MAPK8IP3: variants seen among roughly 807,000 people sequenced by gnomAD.
The protein encoded by MAPK8IP3 is mitogen-activated protein kinase 8 interacting protein 3.
MAPK8IP3 carries 49 observed loss-of-function variants against 157.8 expected under a neutral mutation model. That is an observed-to-expected ratio of 0.31 (90% CI 0.25 to 0.39). The LOEUF is 0.39. Among genes scored for constraint, MAPK8IP3 ranks in the 10% least tolerant of loss-of-function variants. MAPK8IP3 has a pLI of 1.00. For missense variants in MAPK8IP3, 1,478 were observed against 1,889.4 expected, an observed-to-expected ratio of 0.78 and a Z score of 4.04; for synonymous variants, 897 against 777.7, an observed-to-expected ratio of 1.15 and a Z score of -2.55.
chr16:1,725,322 C>T (rs184340935), intron 2 of MAPK8IP3, among the ~76,000 whole-genome samples: 1 of 150,536 alleles, frequency 6.6e-6, no homozygotes. Flanking sequence ...ACACAGAGAC[C>T]TCATCTCTTA....
In MAPK8IP3 at chr16:1,760,484, A is replaced by G. The variant is rs2041870474; in HGVS notation, c.1409A>G (p.Lys470Arg). The change falls in exon 12 of 32, where the codon AAA becomes AGA. Residue 470 changes from lysine (K) to arginine (R), a missense_variant. This residue lies in a region of MAPK8IP3 where 96 missense variants were observed against 106.3 expected (regional missense o/e 0.90). Transcript: ENST00000610761. ...RGELEAAKQA[K>R]VKLENRIKEL... ...GAGTTGGAGGCTGCTAAGCAGGCCA[A>G]AGTCAAGCTGGAAAACCGTATCAAG... 1.2e-5 allele frequency: 20 copies of G among 1,613,836 alleles called. No homozygotes were observed. The highest frequency in any genetic ancestry group is 1.7e-5 in the Non-Finnish European group (20 of 1,179,898).
intron 20 of MAPK8IP3, among the ~76,000 whole-genome samples, chr16:1,765,637 C>T (rs776824067): frequency 6.6e-6 from 1 of 152,336 alleles, no homozygotes; most frequent in African/African-American, 2.4e-5. Context: ...AGGGCTCTGC[C>T]AGGTCTCTGG....
In MAPK8IP3 at chr16:1,742,931, G is replaced by A. The variant is rs2040764216; in HGVS notation, c.603-401G>A. Among the ~76,000 whole-genome samples the A allele has an allele frequency of 6.6e-6, 1 of 152,004 alleles. No individual in the cohort carries two copies. The highest frequency in any genetic ancestry group is 1.9e-4 in the East Asian group (1 of 5,148). ...AGGTCAGGAGATCGAGACCATCCTG[G>A]CTAACACGGTGAAACCCCGTCTCTA... On this transcript the variant is annotated intron_variant, in intron 4 of 31. Transcript: ENST00000610761. This position sits in a 1 kb window ranked among gnomAD's most constrained non-coding sequence, Gnocchi z 5.0.
chr16:1,756,172 C>T (rs968954592), intron 8 of MAPK8IP3, among the ~76,000 whole-genome samples: 1 of 152,164 alleles, frequency 6.6e-6, no homozygotes, highest in African/African-American at 2.4e-5. Context: ...ACAGGGACCC[C>T]AAGTCTTGGG....
intron 5 of MAPK8IP3, chr16:1,745,416 G>A (rs947457517): frequency 1.3e-5 from 2 of 152,718 alleles, no homozygotes; most frequent in Non-Finnish European, 2.9e-5. Context: ...CTTCTTGCAT[G>A]AGCGGTACTC....
intron 4 of MAPK8IP3, among the ~76,000 whole-genome samples, chr16:1,738,324 C>CGG (rs1178132495): frequency 1.5e-3 from 100 of 68,576 alleles, no homozygotes; most frequent in South Asian, 3.2e-3. Context: ...GTGTGAGCAT[C>CGG]CGTGAGCGTG....
In MAPK8IP3 at chr16:1,761,146, G is replaced by A. The variant is rs530045492; in HGVS notation, c.1458-78G>A. On this transcript the variant is annotated intron_variant, in intron 12 of 31. Transcript: ENST00000610761. ...GCACAGAGGCAAGGACACAGGTTCGGGGCGGGCACTGCCCGCTATGTGTTC... is the reference window on the plus strand; with the variant it reads ...GCACAGAGGCAAGGACACAGGTTCGAGGCGGGCACTGCCCGCTATGTGTTC... 7.2e-4 allele frequency: 826 copies of A among 1,143,964 alleles called. 2 individuals carry two copies. The highest frequency in any genetic ancestry group is 2.8e-3 in the South Asian group (231 of 81,772). 70.9% of individuals were successfully genotyped at this position (1,143,964 alleles called of 1,614,324 possible). A position where few individuals can be genotyped will look rare whatever the true frequency, so the allele number is the denominator to read the frequency against.
rs2041873293 is a variant in MAPK8IP3 at position 1,760,547 on chromosome 16, T to C, written c.1457+15T>C. 1.2e-6 allele frequency: 2 copies of C among 1,605,466 alleles called. No homozygotes were observed. The highest frequency in any genetic ancestry group is 1.7e-6 in the Non-Finnish European group (2 of 1,174,096). The stretch of plus-strand genomic sequence containing the variant: ...GAACTGAAAAGGTGAGGGCAGGGCA[T>C]GGAAAGCTGGTCAGAGAGGGACCCC... On this transcript the variant is annotated intron_variant, in intron 12 of 31. Transcript: ENST00000610761.
intron 13 of MAPK8IP3, among the ~76,000 whole-genome samples, chr16:1,761,909 T>G (rs1279869754): frequency 6.6e-6 from 1 of 152,234 alleles, no homozygotes; most frequent in Non-Finnish European, 1.5e-5. Context: ...TCACCGGCGC[T>G]TCTGTCTCTG....
chr16:1,756,852 A>G (rs775757845), intron 8 of MAPK8IP3, among the ~76,000 whole-genome samples: 1 of 152,154 alleles, frequency 6.6e-6, no homozygotes, highest in Non-Finnish European at 1.5e-5. Flanking sequence ...CAGGAACCTC[A>G]GCACAGGAAA....
intron 19 of MAPK8IP3, 72 bp downstream of exon 19, chr16:1,764,531 G>A: frequency 1.3e-6 from 2 of 1,546,832 alleles, no homozygotes; most frequent in Admixed American, 1.9e-5. Context: ...AGAGCATGCT[G>A]GGAGTGAGAC....
chr16:1,730,073 A>T (rs954093250), intron 4 of MAPK8IP3, among the ~76,000 whole-genome samples: 3 of 148,182 alleles, frequency 2.0e-5, no homozygotes, highest in Admixed American at 6.7e-5. Flanking sequence ...AAAAAAAAAA[A>T]TTGTTTAAAA....
intron 15 of MAPK8IP3, 33 bp downstream of exon 15, chr16:1,762,764 C>T (rs2042026090): frequency 6.3e-7 from 1 of 1,587,180 alleles, no homozygotes; most frequent in Non-Finnish European, 8.6e-7. Flanking sequence ...ATGTGGGCAG[C>T]AGCTGCAGGG....
chr16:1,759,027 G>A (rs758714571), intron 10 of MAPK8IP3, 32 bp downstream of exon 10: 10 of 1,613,350 alleles, frequency 6.2e-6, no homozygotes, highest in Middle Eastern at 1.6e-4. Flanking sequence ...AGCGTGCGTC[G>A]CTCCTCCACC....
At chr16:1,719,568 C>T (rs2038376789) in intron 1 of MAPK8IP3, among the ~76,000 whole-genome samples, 1 of 150,518 alleles carries the variant, frequency 6.6e-6, no homozygotes, top group Non-Finnish European at 1.5e-5. Context: ...GGCACAGTGG[C>T]TCATGCCTGT....
At position 1,743,990 on chromosome 16, in the gene MAPK8IP3, C is replaced by CTCCTGGG. The variant is rs1400921295; in HGVS notation, c.747+520_747+526dup. ...CCTCCCTGCCTGTCCCTGGTAACGC[C>CTCCTGGG]TCCTGGGTCCTGAGTTTGAGAAAGC... On this transcript the variant is annotated intron_variant, in intron 5 of 31. Transcript: ENST00000610761. This position sits in a 1 kb window ranked among gnomAD's most constrained non-coding sequence, Gnocchi z 5.6. 1.0e-6 allele frequency: 1 copy of CTCCTGGG among 996,930 alleles called. No individual in the cohort carries two copies. Among genetic ancestry groups the CTCCTGGG allele is most frequent in the Non-Finnish European group, 1.2e-6 (1 of 837,690 alleles). The allele number at this position is 996,930 out of a possible 1,614,324, so 61.8% of individuals were successfully genotyped here. A position where few individuals can be genotyped will look rare whatever the true frequency, so the allele number is the denominator to read the frequency against.
At chr16:1,736,649 T>TC (rs1366335027) in intron 4 of MAPK8IP3, among the ~76,000 whole-genome samples, 3 of 73,902 alleles carry the variant, frequency 4.1e-5, no homozygotes, top group African/African-American at 1.7e-4. Flanking sequence ...CGTGTGACCG[T>TC]CCGTGTGAGC....
In MAPK8IP3 at chr16:1,738,815, ATC is replaced by A. The variant is rs1403990639; in HGVS notation, c.603-4515_603-4514del. On this transcript the variant is annotated intron_variant, in intron 4 of 31. Coordinates refer to ENST00000610761, the MANE Select transcript of MAPK8IP3 (RefSeq NM_001318852.2). ...TGTGAGTGTGACCACCCATGTGAGC[ATC>A]TGTGTGACCGTCCGTGTGAGCGTCC... is the stretch of plus-strand genomic sequence containing the variant. Among the ~76,000 whole-genome samples, 13 of 110,720 alleles carry A rather than the reference ATC, an allele frequency of 1.2e-4. No homozygotes were observed. The South Asian group carries it at 3.4e-3, about 29-fold the overall frequency. The allele number at this position is 110,720 out of a possible 152,430, so 72.6% of individuals were successfully genotyped here. A position where few individuals can be genotyped will look rare whatever the true frequency, so the allele number is the denominator to read the frequency against.
intron 4 of MAPK8IP3, among the ~76,000 whole-genome samples, chr16:1,739,522 G>T (rs1389482158): frequency 3.6e-5 from 5 of 137,108 alleles, no homozygotes; most frequent in Admixed American, 2.2e-4. Flanking sequence ...GACCGTCCGT[G>T]TGAGCTTCCG....
Sources: gnomAD v4.1 joint callset for allele counts (sites outside exome capture counted in the v4.1 genomes callset) on GRCh38, gnomAD v4.1.1 for gene constraint, gnomAD v4.1.1 regional missense constraint, Gnocchi (gnomAD v3.1) non-coding constraint, MANE v1.5 for transcripts, NCBI Gene and HGNC (gene_info 2026-07-23, HGNC 2026-07-21) for gene names.